Variants in EFCAB13 observed in about 807,000 individuals in gnomAD.
EFCAB13 encodes EF-hand calcium-binding domain-containing protein 13.
EFCAB13 carries 91 observed loss-of-function variants against 110.2 expected under a neutral mutation model. The ratio of observed to expected loss-of-function variants is 0.83; its 90% CI spans 0.70 to 0.98. The LOEUF is 0.98. Among genes scored for constraint, EFCAB13 ranks in the 50% least tolerant of loss-of-function variants. The pLI, the probability that EFCAB13 is intolerant of heterozygous loss-of-function variation, is 0.00. For missense variants in EFCAB13, 968 were observed against 1,119.4 expected (o/e 0.86, Z 1.93); for synonymous variants, 323 against 369.9 (o/e 0.87, Z 1.45).
chr17:47,334,246 T>C (rs972232208), intron 4 of EFCAB13, among the ~76,000 whole-genome samples: 1 of 152,162 alleles, frequency 6.6e-6, no homozygotes, highest in Non-Finnish European at 1.5e-5. Context: ...TTATTTACCA[T>C]GTTTCTGTGT....
intron 17 of EFCAB13, among the ~76,000 whole-genome samples, chr17:47,397,357 C>T (rs888085275): frequency 1.1e-3 from 164 of 152,212 alleles, no homozygotes; most frequent in Admixed American, 3.7e-3. Context: ...GATCTCGGCT[C>T]GCTACAACCT....
At chr17:47,336,041 T>C (rs2143236679) in intron 5 of EFCAB13, among the ~76,000 whole-genome samples, 1 of 152,346 alleles carries the variant, frequency 6.6e-6, no homozygotes, top group African/African-American at 2.4e-5. Flanking sequence ...CTGTTAAGTT[T>C]GTCTTAAAGA....
chr17:47,335,638 G>C (rs2065345175), intron 5 of EFCAB13, among the ~76,000 whole-genome samples: 1 of 152,126 alleles, frequency 6.6e-6, no homozygotes, highest in South Asian at 2.1e-4. Context: ...AAATAAAAGA[G>C]GTTTAATTGC....
intron 3 of EFCAB13, among the ~76,000 whole-genome samples, chr17:47,327,234 T>C (rs1429775687): frequency 6.6e-6 from 1 of 152,152 alleles, no homozygotes; most frequent in African/African-American, 2.4e-5. Flanking sequence ...GGCGTGGTCT[T>C]GGCCCACTGC....
chr17:47,377,983 C>G lies in EFCAB13; in HGVS notation c.1510+80C>G. ...AGTATTAAATATTGGAGGAATTCCT[C>G]TCAATTAGAAATTAGGAATGGGACA... On this transcript the variant is annotated intron_variant, in intron 13 of 24. Transcript: ENST00000331493. 4 of 1,309,764 alleles carry G rather than the reference C, an allele frequency of 3.1e-6. No homozygotes were observed. The South Asian group carries it at 4.7e-5, about 15-fold the overall frequency. The allele number at this position is 1,309,764 out of a possible 1,614,324, so 81.1% of individuals were successfully genotyped here. A position where few individuals can be genotyped will look rare whatever the true frequency, so the allele number is the denominator to read the frequency against.
chr17:47,403,112 T>C (rs2065787365), intron 18 of EFCAB13, among the ~76,000 whole-genome samples: 1 of 152,184 alleles, frequency 6.6e-6, no homozygotes, highest in Non-Finnish European at 1.5e-5. Flanking sequence ...GTTAGAGGAA[T>C]AGAAAGTGAG....
At chr17:47,395,800 C>A in intron 16 of EFCAB13, 34 bp from the exon 17 acceptor site, 3 of 1,548,480 alleles carry the variant, frequency 1.9e-6, no homozygotes, top group Admixed American at 1.9e-5. Context: ...CTTGCATAAG[C>A]ATTCGTAAAA....
rs552088998 is a variant in EFCAB13, at chr17:47,377,098, T to C, written c.1373-668T>C. On this transcript the variant is annotated intron_variant, in intron 12 of 24. Transcript: ENST00000331493. ...ATGGGAGGGTGAAGAACTCTACATT[T>C]TTGCTTGGAATTCTTCAATTTAAAC... Among the ~76,000 whole-genome samples the C allele has an allele frequency of 1.6e-4, 25 of 152,200 alleles. 2 individuals carry two copies. In the South Asian group the frequency reaches 5.0e-3, roughly 30 times the overall value.
chr17:47,422,917 C>T (rs55677939), intron 23 of EFCAB13, among the ~76,000 whole-genome samples: 7,602 of 152,098 alleles, frequency 0.05, 250 homozygotes, highest in East Asian at 0.11. Context: ...GCCAAAATAG[C>T]CAGGGCAAAG....
At chr17:47,378,139 T>C (rs1253347875) in intron 13 of EFCAB13, among the ~76,000 whole-genome samples, 1 of 152,202 alleles carries the variant, frequency 6.6e-6, no homozygotes, top group African/African-American at 2.4e-5. Flanking sequence ...AAGCTCTTCA[T>C]CACTATCCCT....
At chr17:47,366,116 T>TG (rs1354017623) in intron 10 of EFCAB13, among the ~76,000 whole-genome samples, 2 of 152,086 alleles carry the variant, frequency 1.3e-5, no homozygotes, top group Non-Finnish European at 2.9e-5. Context: ...TTGTTGGAGA[T>TG]GATAGGTAGA....
chr17:47,339,591 A>G (rs2065371830), intron 5 of EFCAB13, among the ~76,000 whole-genome samples: 1 of 151,766 alleles, frequency 6.6e-6, no homozygotes. Flanking sequence ...GTTTTGGTTC[A>G]TGGGCCAGAG....
chr17:47,420,120 G>A (rs1806422786), intron 23 of EFCAB13, among the ~76,000 whole-genome samples: 1 of 152,330 alleles, frequency 6.6e-6, no homozygotes, highest in South Asian at 2.1e-4. Context: ...ACTGGTTTTC[G>A]TATTTTTTTG....
chr17:47,342,095 C>A, intron 6 of EFCAB13, 63 bp downstream of exon 6: 1 of 948,936 alleles, frequency 1.1e-6, no homozygotes, highest in Non-Finnish European at 1.6e-6. Flanking sequence ...CTCAAACATT[C>A]CCTTAAATTT....
chr17:47,378,958 T>G (rs1186963539), intron 13 of EFCAB13, among the ~76,000 whole-genome samples: 1 of 152,202 alleles, frequency 6.6e-6, no homozygotes, highest in Non-Finnish European at 1.5e-5. Flanking sequence ...TTCTTATTTT[T>G]GTATTCTCGG....
intron 11 of EFCAB13, among the ~76,000 whole-genome samples, chr17:47,371,525 G>A (rs1335420885): frequency 6.6e-6 from 1 of 152,064 alleles, no homozygotes; most frequent in Admixed American, 6.6e-5. Context: ...TGTTGGCTTT[G>A]TTGCTTTGTT....
intron 2 of EFCAB13, among the ~76,000 whole-genome samples, chr17:47,324,889 C>T (rs2065271739): frequency 1.3e-5 from 2 of 148,940 alleles, no homozygotes; most frequent in Non-Finnish European, 3.0e-5. Flanking sequence ...TTCTTTACCC[C>T]GTTCTCTCTT....
intron 10 of EFCAB13, chr17:47,370,015 A>G (rs1357242277): frequency 6.1e-6 from 1 of 164,554 alleles, no homozygotes; most frequent in Non-Finnish European, 1.3e-5. Context: ...GCCAAAAATA[A>G]TTTTCAGTGA....
intron 20 of EFCAB13, among the ~76,000 whole-genome samples, chr17:47,406,442 AGTTT>A (rs1386919994): frequency 6.6e-6 from 1 of 152,154 alleles, no homozygotes; most frequent in Non-Finnish European, 1.5e-5. Context: ...TGTTGCCTTA[AGTTT>A]GTTTTTTATA....
Sources: gnomAD v4.1 joint callset for allele counts (sites outside exome capture counted in the v4.1 genomes callset) on GRCh38, gnomAD v4.1.1 for gene constraint, MANE v1.5 for transcripts, NCBI Gene and HGNC (gene_info 2026-07-23, HGNC 2026-07-21) for gene names.